The following DUSP16 variants were observed in gnomAD, a reference collection of about 807,000 sequenced individuals.
The protein encoded by DUSP16 is dual specificity phosphatase 16.
DUSP16 carries 21 observed loss-of-function variants against 58.3 expected under a neutral mutation model. That is an observed-to-expected ratio of 0.36 (90% CI 0.26 to 0.52). DUSP16 has a LOEUF of 0.52. DUSP16 is among the 20% of genes least tolerant of loss of function. The pLI is 0.94. For synonymous variants in DUSP16, 320 were observed against 323.8 expected (o/e 0.99, Z 0.12); for missense variants, 726 against 819.0 (o/e 0.89, Z 1.39).
intron 1 of DUSP16, among the ~76,000 whole-genome samples, chr12:12,550,696 G>A (rs1199779808): frequency 6.6e-6 from 1 of 151,892 alleles, no homozygotes; most frequent in African/African-American, 2.4e-5. Context: ...AACATCACAC[G>A]CTGGGGTCTG....
chr12:12,550,851 T>C (rs1024399603), intron 1 of DUSP16, among the ~76,000 whole-genome samples: 8 of 151,718 alleles, frequency 5.3e-5, no homozygotes, highest in Non-Finnish European at 1.0e-4. Flanking sequence ...GTAACAAACC[T>C]GCACGTGCTG....
intron 2 of DUSP16, among the ~76,000 whole-genome samples, chr12:12,520,494 T>G (rs1944217689): frequency 6.6e-6 from 1 of 152,218 alleles, no homozygotes; most frequent in African/African-American, 2.4e-5. Context: ...TGTTACCACA[T>G]GTGTTATGAC....
chr12:12,541,154 T>C (rs1944554397), intron 1 of DUSP16, among the ~76,000 whole-genome samples: 1 of 151,892 alleles, frequency 6.6e-6, no homozygotes, highest in South Asian at 2.1e-4. Flanking sequence ...AGCTGGAGTT[T>C]CACCATGTTG....
intron 5 of DUSP16, among the ~76,000 whole-genome samples, chr12:12,481,778 C>T (rs1269159872): frequency 6.6e-6 from 1 of 151,970 alleles, no homozygotes; most frequent in African/African-American, 2.4e-5. Flanking sequence ...AACATATAAA[C>T]TCGTGTACAC....
chr12:12,528,612 C>T (rs1312013060), intron 1 of DUSP16, among the ~76,000 whole-genome samples: 3 of 152,072 alleles, frequency 2.0e-5, no homozygotes, highest in Non-Finnish European at 4.4e-5. Context: ...CTAACAAGTA[C>T]TTATTTGGCA....
At chr12:12,545,929 C>G (rs890271361) in intron 1 of DUSP16, among the ~76,000 whole-genome samples, 1 of 152,180 alleles carries the variant, frequency 6.6e-6, no homozygotes, top group African/African-American at 2.4e-5. Flanking sequence ...AATCACAGTT[C>G]TAGAGCCATA....
At chr12:12,529,473 T>G (rs1044713851) in intron 1 of DUSP16, among the ~76,000 whole-genome samples, 6 of 152,348 alleles carry the variant, frequency 3.9e-5, no homozygotes, top group African/African-American at 1.4e-4. Flanking sequence ...TATTCTGAAG[T>G]AGATATACAC....
intron 4 of DUSP16, among the ~76,000 whole-genome samples, chr12:12,490,876 T>C (rs1430583964): frequency 6.6e-6 from 1 of 152,220 alleles, no homozygotes; most frequent in African/African-American, 2.4e-5. Context: ...CAGAAAAGCA[T>C]CCCTCTTCCT....
chr12:12,488,838 G>A (rs1375951980), intron 4 of DUSP16, among the ~76,000 whole-genome samples: 1 of 152,130 alleles, frequency 6.6e-6, no homozygotes, highest in East Asian at 1.9e-4. Context: ...CAGCACTTTG[G>A]GATGGCCGAG....
rs145109808 is a variant in DUSP16, at chr12:12,528,321, G to T, written c.-365-6858C>A. 1.8e-3 allele frequency among the ~76,000 whole-genome samples: 272 copies of T among 152,298 alleles called. 1 individual carries two copies. Among genetic ancestry groups the T allele is most frequent in the African/African-American group, 6.0e-3 (251 of 41,552 alleles). ...CAGGACCCTACCTACTGGGAGAGGG[G>T]CCGGTGTATGGAGGTGGTCTTGGGA... is the stretch of plus-strand genomic sequence containing the variant. On this transcript the variant is annotated intron_variant, in intron 1 of 6. Coordinates refer to ENST00000298573, the MANE Select transcript of DUSP16 (RefSeq NM_030640.3).
At chr12:12,506,764 A>G (rs1944003472) in intron 3 of DUSP16, among the ~76,000 whole-genome samples, 1 of 152,256 alleles carries the variant, frequency 6.6e-6, no homozygotes, top group Non-Finnish European at 1.5e-5. Context: ...CTTGGCCTCT[A>G]CAGCTGTGGA....
Position 12,475,137 on chromosome 12 carries a change from G to C in DUSP16, c.*1696C>G, listed in dbSNP as rs1182552361. On this transcript the variant is annotated 3_prime_UTR_variant, in exon 7 of 7. Transcript: ENST00000298573. ...GAAGTCACATCCTGGTCAAAAAACT[G>C]TCCATTTCTCAAAAACAGAGAAAAA... 6.6e-6 allele frequency: 1 copy of C among 152,112 alleles called. No individual in the cohort carries two copies. The allele number at this position is 152,112 out of a possible 1,614,324, so 9.4% of individuals were successfully genotyped here. A position where few individuals can be genotyped will look rare whatever the true frequency, so the allele number is the denominator to read the frequency against.
intron 1 of DUSP16, among the ~76,000 whole-genome samples, chr12:12,539,690 A>C (rs143535216): frequency 6.6e-6 from 1 of 151,832 alleles, no homozygotes; most frequent in African/African-American, 2.4e-5. Context: ...CCTCCAGCCA[A>C]TCTATATTAC....
chr12:12,507,421 G>T (rs1195823820), intron 3 of DUSP16, among the ~76,000 whole-genome samples: 1 of 152,094 alleles, frequency 6.6e-6, no homozygotes, highest in East Asian at 1.9e-4. Context: ...GAATCAAAGA[G>T]AACTGCCCTC....
intron 1 of DUSP16, among the ~76,000 whole-genome samples, chr12:12,535,075 C>T (rs1362860019): frequency 1.3e-5 from 2 of 152,140 alleles, no homozygotes; most frequent in Non-Finnish European, 2.9e-5. Context: ...ATTCTAAAAG[C>T]AGAAATAACC....
chr12:12,533,439 C>T (rs1038359713), intron 1 of DUSP16, among the ~76,000 whole-genome samples: 3 of 152,188 alleles, frequency 2.0e-5, no homozygotes, highest in Admixed American at 1.3e-4. Flanking sequence ...GGCCTTCAAG[C>T]CCGGACCACA....
intron 1 of DUSP16, among the ~76,000 whole-genome samples, chr12:12,541,361 A>G (rs11054965): frequency 0.095 from 14,390 of 152,120 alleles, 1,343 homozygotes; most frequent in East Asian, 0.24. Flanking sequence ...CCTGCCCCAC[A>G]CAAATACAAA....
At chr12:12,501,858 T>C (rs1237172799) in intron 3 of DUSP16, among the ~76,000 whole-genome samples, 1 of 152,054 alleles carries the variant, frequency 6.6e-6, no homozygotes, top group East Asian at 1.9e-4. Flanking sequence ...GGCATGGTGG[T>C]GGGTGCCTGT....
intron 4 of DUSP16, among the ~76,000 whole-genome samples, chr12:12,499,404 A>G (rs948941716): frequency 6.6e-6 from 1 of 152,228 alleles, no homozygotes; most frequent in Non-Finnish European, 1.5e-5. Flanking sequence ...TTAAATCTCA[A>G]ATCGGCAGAT....
Sources: gnomAD v4.1 joint callset for allele counts (sites outside exome capture counted in the v4.1 genomes callset) on GRCh38, gnomAD v4.1.1 for gene constraint, MANE v1.5 for transcripts, NCBI Gene and HGNC (gene_info 2026-07-23, HGNC 2026-07-21) for gene names.